GSDMC: variants seen among roughly 807,000 people sequenced by gnomAD.
GSDMC encodes gasdermin C.
In GSDMC, 59 loss-of-function variants were observed where a neutral mutation model predicts 58.0. The ratio of observed to expected loss-of-function variants is 1.02; its 90% CI spans 0.82 to 1.26. The LOEUF (loss-of-function observed/expected upper bound fraction) is 1.26. Among genes scored for constraint, GSDMC ranks in the 50% most tolerant of loss-of-function variants. GSDMC has a pLI of 0.00. For synonymous variants in GSDMC, 241 were observed against 220.2 expected (o/e 1.09, Z -0.83); for missense variants, 659 against 598.5 (o/e 1.10, Z -1.06).
the GSDMC span, among the ~76,000 whole-genome samples, chr8:129,734,249 C>CT: frequency 6.6e-6 from 1 of 152,208 alleles, no homozygotes; most frequent in African/African-American, 2.4e-5. Flanking sequence ...GGAAAACACT[C>CT]TTCAGGATAT....
chr8:129,773,870 T>A (rs1318197693), intron 3 of GSDMC, among the ~76,000 whole-genome samples: 1 of 149,772 alleles, frequency 6.7e-6, no homozygotes, highest in East Asian at 1.9e-4. Flanking sequence ...AGGCGAAAGA[T>A]CTATATACTG....
the GSDMC span, among the ~76,000 whole-genome samples, chr8:129,731,794 T>C: frequency 6.6e-6 from 1 of 152,056 alleles, no homozygotes; most frequent in Non-Finnish European, 1.5e-5. Context: ...AACTGGAAAG[T>C]CAGAGCAAAA....
the GSDMC span, among the ~76,000 whole-genome samples, chr8:129,721,470 A>T: frequency 1.3e-5 from 2 of 152,154 alleles, no homozygotes; most frequent in Non-Finnish European, 1.5e-5. Flanking sequence ...TCTTCTCAAA[A>T]GCATCCTCAA....
At chr8:129,754,299 C>CAGAG (rs145563123) in intron 6 of GSDMC, among the ~76,000 whole-genome samples, 53 of 151,824 alleles carry the variant, frequency 3.5e-4, no homozygotes, top group African/African-American at 1.1e-3. Context: ...TGGCTCAGTA[C>CAGAG]AGAGAGAGAG....
downstream of GSDMC, among the ~76,000 whole-genome samples, chr8:129,746,944 C>G (rs2032974650): frequency 6.6e-6 from 1 of 152,086 alleles, no homozygotes; most frequent in African/African-American, 2.4e-5. Flanking sequence ...ATGACTGATA[C>G]TTACCAATGA....
At chr8:129,730,165 T>G in the GSDMC span, 1 of 1,093,610 alleles carries the variant, frequency 9.1e-7, no homozygotes, top group African/African-American at 1.6e-5. Context: ...GAGCTGGCTA[T>G]GAAAAAGTTA....
At chr8:129,729,860 A>G in the GSDMC span, 6 of 856,070 alleles carry the variant, frequency 7.0e-6, no homozygotes, top group Non-Finnish European at 9.8e-6. Flanking sequence ...TGCTAGCACC[A>G]TGACTGTAAG....
At chr8:129,770,992 C>A (rs2034028089) in intron 3 of GSDMC, among the ~76,000 whole-genome samples, 1 of 150,734 alleles carries the variant, frequency 6.6e-6, no homozygotes, top group African/African-American at 2.4e-5. Context: ...CATACTTACA[C>A]AGACACACAC....
At chr8:129,709,934 C>T in the GSDMC span, among the ~76,000 whole-genome samples, 1 of 152,184 alleles carries the variant, frequency 6.6e-6, no homozygotes, top group African/African-American at 2.4e-5. Flanking sequence ...GTTCTTTGAT[C>T]ATCTCATCTA....
rs537737729 is a variant in GSDMC, at chr8:129,772,920, A to C, written c.404+3182T>G. Among the ~76,000 whole-genome samples, 41 of 152,336 alleles carry C rather than the reference A, an allele frequency of 2.7e-4. 1 individual carries two copies. In the South Asian group the frequency reaches 7.2e-3, roughly 27 times the overall value. ...GCACATTAAAAGGAACATACACCAC[A>C]AACAAGTGGAATTTATACCTGGAAT... On this transcript the variant is annotated intron_variant, in intron 3 of 13. Transcript: ENST00000276708.
the GSDMC span, among the ~76,000 whole-genome samples, chr8:129,708,501 C>T: frequency 3.3e-5 from 5 of 152,218 alleles, no homozygotes; most frequent in Admixed American, 6.5e-5. Flanking sequence ...TAAGGAACCT[C>T]CTAGAACCCA....
At chr8:129,767,304 A>G (rs2033895515) in intron 3 of GSDMC, among the ~76,000 whole-genome samples, 1 of 152,184 alleles carries the variant, frequency 6.6e-6, no homozygotes, top group Admixed American at 6.5e-5. Context: ...TAGGGAGGCC[A>G]GCCAGCAACC....
the GSDMC span, among the ~76,000 whole-genome samples, chr8:129,728,271 AACTTG>A: frequency 1.3e-5 from 2 of 152,004 alleles, no homozygotes; most frequent in African/African-American, 2.4e-5. Flanking sequence ...ACACCCACTC[AACTTG>A]ATAAGAAGCC....
the GSDMC span, among the ~76,000 whole-genome samples, chr8:129,737,733 A>T: frequency 6.6e-6 from 1 of 152,378 alleles, no homozygotes; most frequent in Non-Finnish European, 1.5e-5. Flanking sequence ...AGGCAACACC[A>T]TTCAGGACAT....
At chr8:129,716,901 T>C in the GSDMC span, among the ~76,000 whole-genome samples, 2 of 152,230 alleles carry the variant, frequency 1.3e-5, no homozygotes, top group East Asian at 1.9e-4. Flanking sequence ...TTGGTTCTGT[T>C]CATATGATGG....
the GSDMC span, among the ~76,000 whole-genome samples, chr8:129,715,809 C>A: frequency 1.6e-4 from 25 of 152,086 alleles, no homozygotes; most frequent in African/African-American, 5.3e-4. Context: ...ATTTAAATAT[C>A]TTTAAACAAA....
At chr8:129,769,502 G>A (rs1425208088) in intron 3 of GSDMC, among the ~76,000 whole-genome samples, 1 of 152,152 alleles carries the variant, frequency 6.6e-6, no homozygotes, top group Non-Finnish European at 1.5e-5. Context: ...CTCAGAGCAT[G>A]GCACCAGTAT....
chr8:129,738,998 G>A, the GSDMC span, among the ~76,000 whole-genome samples: 2 of 152,038 alleles, frequency 1.3e-5, no homozygotes, highest in African/African-American at 2.4e-5. Context: ...TTGAAGACCA[G>A]TTTTTGAACT....
In GSDMC at chr8:129,749,306, G is replaced by A. The variant is rs374555215; in HGVS notation, c.1287+146C>T. The A allele has an allele frequency of 2.6e-3, 1,643 of 631,380 alleles. 41 individuals carry two copies. In the South Asian group the frequency reaches 0.028, roughly 11 times the overall value. The allele number at this position is 631,380 out of a possible 1,614,324, so 39.1% of individuals were successfully genotyped here. ...ACCAGGTCTCCAGAAGGACACTGCA[G>A]CCAAGGATTCCCCAGTGGCCACCCT... On this transcript the variant is annotated intron_variant, in intron 13 of 13. Coordinates refer to ENST00000276708, the MANE Select transcript of GSDMC (RefSeq NM_031415.3).
Sources: allele counts gnomAD v4.1 joint callset (sites outside exome capture counted in the v4.1 genomes callset), GRCh38; gene constraint gnomAD v4.1.1; transcripts MANE v1.5; gene names NCBI Gene and HGNC (gene_info 2026-07-23, HGNC 2026-07-21).